The following SLC47A1 variants were observed in gnomAD, a reference collection of about 807,000 sequenced individuals.
The protein encoded by SLC47A1 is multidrug and toxin extrusion protein 1.
A neutral mutation model predicts 65.8 loss-of-function variants in SLC47A1; 58 were observed. The observed-to-expected ratio is 0.88, with a 90% CI of 0.71 to 1.10. The LOEUF (loss-of-function observed/expected upper bound fraction) is 1.10, where lower values mean the gene tolerates loss of function less well. Ranked by LOEUF, SLC47A1 falls within the 50% of genes least tolerant of loss-of-function variation. SLC47A1 has a pLI of 0.00. For missense variants in SLC47A1, 706 were observed against 719.2 expected (o/e 0.98, Z 0.21); for synonymous variants, 285 against 295.0 (o/e 0.97, Z 0.35).
chr17:19,566,705 A>G (rs2084360491), intron 12 of SLC47A1, 85 bp from the exon 13 acceptor site: 4 of 1,288,702 alleles, frequency 3.1e-6, no homozygotes, highest in Non-Finnish European at 2.2e-6. Flanking sequence ...GATTACAGGC[A>G]TGAGCCACTG....
Position 19,577,783 on chromosome 17 carries a change from A to G in SLC47A1, c.*230A>G. ...AAGATGACATGAGTAGTAATTCACCACTATCTGAACCAAGCAAGGATCAAT... is the reference window on the plus strand; with the variant it reads ...AAGATGACATGAGTAGTAATTCACCGCTATCTGAACCAAGCAAGGATCAAT... On this transcript the variant is annotated 3_prime_UTR_variant, in exon 17 of 17. Coordinates refer to ENST00000270570, the MANE Select transcript of SLC47A1 (RefSeq NM_018242.3). The G allele has an allele frequency of 3.7e-6, 5 of 1,364,624 alleles. No homozygotes were observed. The highest frequency in any genetic ancestry group is 4.7e-6 in the Non-Finnish European group (5 of 1,058,166). 84.5% of individuals were successfully genotyped at this position (1,364,624 alleles called of 1,614,324 possible).
rs781036015 is a variant in SLC47A1 at position 19,549,625 on chromosome 17, C to T, written c.456-10C>T. The T allele has an allele frequency of 9.9e-6, 16 of 1,613,708 alleles. No homozygotes were observed. Among genetic ancestry groups the T allele is most frequent in the East Asian group, 2.2e-5 (1 of 44,902 alleles). On this transcript the variant is annotated splice_polypyrimidine_tract_variant and intron_variant, in intron 4 of 16. Transcript: ENST00000270570. ...ACAGTTTTTGTTTTCTTTTTCTTTT[C>T]GTTATTTAGGCTTACCCAGACCTAT...
rs1375915588 is a variant in SLC47A1 at position 19,551,446 on chromosome 17, A to C, written c.521A>C (p.Gln174Pro). 1.2e-6 allele frequency: 2 copies of C among 1,609,924 alleles called. No individual in the cohort carries two copies. The highest frequency in any genetic ancestry group is 4.5e-5 in the East Asian group (2 of 44,836). ...ALPATFLYML[Q>P]VKYLLNQGIV... is the part of the protein sequence containing the mutation. ...TAGGCAACCTTTCTTTATATGTTACAAGTTAAATATTTGCTCAACCAGGTA... is the reference window on the plus strand; with the variant it reads ...TAGGCAACCTTTCTTTATATGTTACCAGTTAAATATTTGCTCAACCAGGTA... The change falls in exon 6 of 17, where the codon CAA (glutamine) becomes CCA (proline). Residue 174 changes from glutamine (Q) to proline (P), a missense_variant. Physicochemically the swap from Gln to Pro is moderately conservative, Grantham distance 76. Transcript: ENST00000270570.
intron 6 of SLC47A1, 85 bp from the exon 7 acceptor site, chr17:19,555,127 A>G: frequency 7.9e-7 from 1 of 1,266,570 alleles, no homozygotes; most frequent in South Asian, 1.2e-5. Context: ...TGAGCAGGCC[A>G]GCTGGAGCCT....
At chr17:19,548,828 G>A (rs1168555330) in intron 4 of SLC47A1, among the ~76,000 whole-genome samples, 4 of 152,094 alleles carry the variant, frequency 2.6e-5, no homozygotes, top group South Asian at 2.1e-4. Context: ...CCTGGGTATC[G>A]GTATCTTTCA....
chr17:19,548,035 T>C lies in SLC47A1; in HGVS notation c.357T>C (p.Ser119=), dbSNP rs958241453. ...ACGTGGGCGTGATCCTGCAGCGGAG[T>C]GCGCTCGTCCTGCTCCTCTGCTGCT... ...LKHVGVILQR[S]ALVLLLCCFP... is the part of the protein sequence containing the mutation. The change falls in exon 4 of 17, where the codon AGT becomes AGC. Residue 119 remains serine (S), a synonymous_variant. Coordinates refer to ENST00000270570, the MANE Select transcript of SLC47A1 (RefSeq NM_018242.3). 1.9e-6 allele frequency: 3 copies of C among 1,613,792 alleles called. No individual in the cohort carries two copies. Among genetic ancestry groups the C allele is most frequent in the Admixed American group, 1.7e-5 (1 of 59,986 alleles).
At chr17:19,538,973 C>T (rs574790188) in intron 1 of SLC47A1, among the ~76,000 whole-genome samples, 2 of 152,318 alleles carry the variant, frequency 1.3e-5, no homozygotes, top group South Asian at 4.1e-4. Flanking sequence ...CTCGCTGTGT[C>T]ACCCAGGCTG....
At chr17:19,554,600 G>C (rs1916550715) in intron 6 of SLC47A1, among the ~76,000 whole-genome samples, 1 of 152,172 alleles carries the variant, frequency 6.6e-6, no homozygotes, top group Admixed American at 6.5e-5. Context: ...TTTTACGTTT[G>C]CACTGACTTT....
chr17:19,569,294 C>T (rs1014728914), intron 14 of SLC47A1, among the ~76,000 whole-genome samples: 1 of 152,032 alleles, frequency 6.6e-6, no homozygotes, highest in Non-Finnish European at 1.5e-5. Flanking sequence ...ATTGCTTGAA[C>T]CCGGGAGGCG....
chr17:19,558,092 C>T (rs1227829366), intron 10 of SLC47A1, among the ~76,000 whole-genome samples: 1 of 152,156 alleles, frequency 6.6e-6, no homozygotes, highest in East Asian at 1.9e-4. Context: ...TCTACACAGT[C>T]CATGTTCAAA....
rs187288373 is a variant in SLC47A1 at position 19,553,334 on chromosome 17, C to T, written c.543+1866C>T. 2.7e-3 allele frequency among the ~76,000 whole-genome samples: 418 copies of T among 152,226 alleles called. 5 individuals are homozygous for T. The highest frequency in any genetic ancestry group is 9.6e-3 in the African/African-American group (398 of 41,546). ...GCTTGGCCACCTCTTCTCGTTCTCC[C>T]ACGAGCCTGCTCCTCTGCCTTCCAT... On this transcript the variant is annotated intron_variant, in intron 6 of 16. Coordinates refer to ENST00000270570, the MANE Select transcript of SLC47A1 (RefSeq NM_018242.3).
At chr17:19,544,474 A>G (rs943614908) in intron 2 of SLC47A1, among the ~76,000 whole-genome samples, 19 of 152,180 alleles carry the variant, frequency 1.2e-4, no homozygotes, top group Admixed American at 3.9e-4. Context: ...TCCCTGCTGT[A>G]GAGTCAAGTG....
chr17:19,549,708 C>T, intron 5 of SLC47A1, 31 bp downstream of exon 5: 1 of 1,612,966 alleles, frequency 6.2e-7, no homozygotes, highest in Non-Finnish European at 8.5e-7. Flanking sequence ...AGATTCCCTT[C>T]TTGGGGTCCG....
chr17:19,563,724 C>T (rs186179236), intron 12 of SLC47A1, among the ~76,000 whole-genome samples: 2 of 152,218 alleles, frequency 1.3e-5, no homozygotes, highest in East Asian at 1.9e-4. Context: ...CGCGGTGGCT[C>T]ACGCCTGTAA....
rs1057073491 is a variant in SLC47A1 at position 19,551,309 on chromosome 17, G to T, written c.499-115G>T. The T allele has an allele frequency of 1.2e-5, 11 of 909,834 alleles. No homozygotes were observed. In the African/African-American group the frequency reaches 1.8e-4, roughly 15 times the overall value. 56.4% of individuals were successfully genotyped at this position (909,834 alleles called of 1,614,324 possible). A position where few individuals can be genotyped will look rare whatever the true frequency, so the allele number is the denominator to read the frequency against. ...GAGACGACAGCCTCTGTGGCTCCGT[G>T]CGGGAGCAGAGGGCAGCCGAACCTT... On this transcript the variant is annotated intron_variant, in intron 5 of 16. Transcript: ENST00000270570.
chr17:19,572,684 A>G (rs1047470069), intron 15 of SLC47A1, 96 bp from the exon 16 acceptor site: 8 of 1,116,716 alleles, frequency 7.2e-6, no homozygotes, highest in Non-Finnish European at 1.1e-5. Flanking sequence ...CATGCCAATT[A>G]AGGAAAATGG....
chr17:19,566,665 T>C (rs1780419382), intron 12 of SLC47A1, 125 bp from the exon 13 acceptor site: 1 of 776,698 alleles, frequency 1.3e-6, no homozygotes, highest in African/African-American at 1.7e-5. Flanking sequence ...CCTCAGGTGA[T>C]CCTCCCGCCT....
Position 19,556,045 on chromosome 17 carries a change from GC to G in SLC47A1, c.906del (p.Ile303SerfsTer18). The G allele has an allele frequency of 6.2e-7, 1 of 1,614,084 alleles. No individual in the cohort carries two copies. Among genetic ancestry groups the G allele is most frequent in the African/African-American group, 1.3e-5 (1 of 75,050 alleles). On this transcript the variant is annotated frameshift_variant, in exon 10 of 17. Coordinates refer to ENST00000270570, the MANE Select transcript of SLC47A1 (RefSeq NM_018242.3). LOFTEE classifies it high-confidence loss of function. Reference protein sequence around the residue: ...LGAQSIVYELAIIVYMVPAGF... With the variant: ...LGAQSIVYELXIIVYMVPAGF... ...CGCTCAGTCCATCGTGTATGAACTGGCCATCATTGTGTACATGGTAAGCAGG... is the reference window on the plus strand; with the variant it reads ...CGCTCAGTCCATCGTGTATGAACTGGCATCATTGTGTACATGGTAAGCAGG...
intron 14 of SLC47A1, among the ~76,000 whole-genome samples, chr17:19,568,596 A>G (rs2084377279): frequency 6.6e-6 from 1 of 152,192 alleles, no homozygotes; most frequent in Non-Finnish European, 1.5e-5. Context: ...GTTTTGATAT[A>G]TGTATAAAAT....
Sources: gnomAD v4.1 joint callset for allele counts (sites outside exome capture counted in the v4.1 genomes callset) on GRCh38, gnomAD v4.1.1 for gene constraint, MANE v1.5 for transcripts, NCBI Gene and HGNC (gene_info 2026-07-23, HGNC 2026-07-21) for gene names.